Variants in ST3GAL3 observed in about 807,000 individuals in gnomAD.
ST3GAL3 encodes the protein CMP-N-acetylneuraminate-beta-1,4-galactoside alpha-2,3-sialyltransferase.
In ST3GAL3, 21 loss-of-function variants were observed where a neutral mutation model predicts 50.1. That is an observed-to-expected ratio of 0.42 (90% CI 0.30 to 0.60). ST3GAL3 has a LOEUF of 0.60. Ranked by LOEUF, ST3GAL3 falls within the 20% of genes least tolerant of loss-of-function variation. The probability of loss-of-function intolerance (pLI) is 0.19; values close to 1 mark genes in which losing one functional copy is unlikely to be tolerated. For missense variants in ST3GAL3, 353 were observed against 489.4 expected (o/e 0.72, Z 2.63); for synonymous variants, 183 against 190.0 (o/e 0.96, Z 0.30).
intron 3 of ST3GAL3, among the ~76,000 whole-genome samples, chr1:43,809,367 T>C (rs1232792481): frequency 1.3e-5 from 2 of 151,888 alleles, no homozygotes; most frequent in African/African-American, 2.4e-5. Context: ...AAGAAAAAAA[T>C]AGTGAACTAG....
chr1:43,862,928 G>A (rs2070371264), intron 5 of ST3GAL3, among the ~76,000 whole-genome samples: 1 of 151,902 alleles, frequency 6.6e-6, no homozygotes, highest in African/African-American at 2.4e-5. Context: ...AAAAACAGTG[G>A]ACAGAGTCTA....
chr1:43,819,086 A>C (rs1043044174), intron 4 of ST3GAL3: 1 of 152,160 alleles, frequency 6.6e-6, no homozygotes, highest in African/African-American at 2.4e-5. Flanking sequence ...GGACCCTGAA[A>C]TTTTAATTTT....
chr1:43,816,346 T>G (rs147242832), intron 4 of ST3GAL3, among the ~76,000 whole-genome samples: 51 of 152,256 alleles, frequency 3.3e-4, no homozygotes, highest in African/African-American at 1.2e-3. Flanking sequence ...CTCCCAACTT[T>G]TACACATTAT....
chr1:43,817,416 C>T lies in ST3GAL3; in HGVS notation c.209+2483C>T, dbSNP rs67191848. Among the ~76,000 whole-genome samples, 41 of 146,648 alleles carry T rather than the reference C, an allele frequency of 2.8e-4. 2 individuals are homozygous for T. The South Asian group carries it at 6.5e-3, about 23-fold the overall frequency. ...TCCTCCTTTTTCTCCTTCTTCTCCTCCTTCTCCTTCTTCTCCTTCTTCCTT... is the reference window on the plus strand; with the variant it reads ...TCCTCCTTTTTCTCCTTCTTCTCCTTCTTCTCCTTCTTCTCCTTCTTCCTT... On this transcript the variant is annotated intron_variant, in intron 4 of 11. Transcript: ENST00000347631.
At chr1:43,808,499 T>G (rs1367594155) in intron 3 of ST3GAL3, among the ~76,000 whole-genome samples, 1 of 152,126 alleles carries the variant, frequency 6.6e-6, no homozygotes, top group Non-Finnish European at 1.5e-5. Flanking sequence ...TGGAAATATT[T>G]TCAGACATTG....
In ST3GAL3 at chr1:43,913,944, G is replaced by A. The variant is rs955631442; in HGVS notation, c.745-6460G>A. On this transcript the variant is annotated intron_variant, in intron 9 of 11. Coordinates refer to ENST00000347631, the MANE Select transcript of ST3GAL3 (RefSeq NM_006279.5). ...CCCAGCTCACCCACCGCCATGCAGA[G>A]GCAGCAACTCAGGAAGGGCTGCCTT... 8 of 152,436 alleles carry A rather than the reference G, an allele frequency of 5.2e-5. No homozygotes were observed. The Middle Eastern group carries it at 0.01, about 194-fold the overall frequency. The allele number at this position is 152,436 out of a possible 1,614,324, so 9.4% of individuals were successfully genotyped here.
chr1:43,899,224 C>T lies in ST3GAL3; in HGVS notation c.518C>T (p.Ser173Phe). 1 of 1,614,220 alleles carries T rather than the reference C, an allele frequency of 6.2e-7. No individual in the cohort carries two copies. Among genetic ancestry groups the T allele is most frequent in the Non-Finnish European group, 8.5e-7 (1 of 1,180,042 alleles). Residue 173 changes from serine to phenylalanine, a missense_variant, in exon 8 of 12, where the codon TCT becomes TTT. Physicochemically the swap from Ser to Phe is radical, Grantham distance 155. Transcript: ENST00000347631. This position sits in a 1 kb window ranked among gnomAD's most constrained non-coding sequence, Gnocchi z 5.4. ...VGNGGVLANKSLGSRIDDYDI... is the reference protein window; with the variant it reads ...VGNGGVLANKFLGSRIDDYDI... Reference sequence around the variant, plus strand: ...AATGGAGGCGTTCTTGCCAACAAGTCTCTGGGGTCACGAATTGACGACTAT... The same window carrying T: ...AATGGAGGCGTTCTTGCCAACAAGTTTCTGGGGTCACGAATTGACGACTAT...
intron 2 of ST3GAL3, among the ~76,000 whole-genome samples, chr1:43,750,059 G>A (rs1434122302): frequency 6.6e-6 from 1 of 151,974 alleles, no homozygotes; most frequent in Non-Finnish European, 1.5e-5. Context: ...CAGGTATTTT[G>A]TTATAGCACA....
chr1:43,770,701 T>C (rs1694824318), intron 2 of ST3GAL3, among the ~76,000 whole-genome samples: 1 of 152,182 alleles, frequency 6.6e-6, no homozygotes, highest in Non-Finnish European at 1.5e-5. Context: ...TGGATAGTTG[T>C]TGATTGACTG....
At chr1:43,850,721 C>A in intron 5 of ST3GAL3, 1 of 743,984 alleles carries the variant, frequency 1.3e-6, no homozygotes, top group East Asian at 2.5e-5. Flanking sequence ...AGCCCAGCTC[C>A]GTCAGTGCCT....
At chr1:43,732,830 G>C (rs990177082) in intron 1 of ST3GAL3, among the ~76,000 whole-genome samples, 1 of 151,942 alleles carries the variant, frequency 6.6e-6, no homozygotes, top group Non-Finnish European at 1.5e-5. Context: ...AGAAAGACTG[G>C]GCTAAGGTAT....
At chr1:43,860,530 A>G (rs2069644699) in intron 5 of ST3GAL3, among the ~76,000 whole-genome samples, 1 of 152,262 alleles carries the variant, frequency 6.6e-6, no homozygotes, top group African/African-American at 2.4e-5. Flanking sequence ...AGCTGCATGT[A>G]GAGTGAGGTT....
At position 43,920,312 on chromosome 1, in the gene ST3GAL3, G is replaced by A. The variant is rs867762361; in HGVS notation, c.745-92G>A. On this transcript the variant is annotated intron_variant, in intron 9 of 11. Transcript: ENST00000347631. ...TCCCCATTAAACGCCTCATGCTCCCGCCTCACTGTCCCTACTTGGGGTCCC... is the reference window on the plus strand; with the variant it reads ...TCCCCATTAAACGCCTCATGCTCCCACCTCACTGTCCCTACTTGGGGTCCC... 2.3e-5 allele frequency: 36 copies of A among 1,544,420 alleles called. No individual in the cohort carries two copies. In the Middle Eastern group the frequency reaches 1.8e-3, roughly 79 times the overall value.
intron 2 of ST3GAL3, among the ~76,000 whole-genome samples, chr1:43,788,865 A>G (rs1447937913): frequency 1.3e-5 from 2 of 152,086 alleles, no homozygotes; most frequent in African/African-American, 2.4e-5. Context: ...CTAAAGAAGT[A>G]AGTGAGCAGA....
chr1:43,851,422 G>C, intron 5 of ST3GAL3: 2 of 1,611,388 alleles, frequency 1.2e-6, no homozygotes, highest in Non-Finnish European at 1.7e-6. Context: ...TGTGGGTCCA[G>C]CTTATAGGCC....
intron 5 of ST3GAL3, among the ~76,000 whole-genome samples, chr1:43,872,723 G>C (rs115011235): frequency 0.02 from 3,070 of 152,286 alleles, 106 homozygotes; most frequent in African/African-American, 0.071. Context: ...TCATATTCTA[G>C]TGGGAAGCAG....
At chr1:43,855,857 A>G (rs2068256371) in intron 5 of ST3GAL3, among the ~76,000 whole-genome samples, 1 of 152,238 alleles carries the variant, frequency 6.6e-6, no homozygotes, top group Admixed American at 6.5e-5. Context: ...CATTAATAAC[A>G]TACACATTTT....
intron 1 of ST3GAL3, among the ~76,000 whole-genome samples, chr1:43,735,655 CT>C (rs1377799200): frequency 2.0e-5 from 3 of 152,196 alleles, no homozygotes; most frequent in Non-Finnish European, 2.9e-5. Context: ...TTGTGCGACT[CT>C]AAGCAAGGAT....
chr1:43,922,978 G>A (rs557373524), intron 11 of ST3GAL3, among the ~76,000 whole-genome samples: 1 of 151,536 alleles, frequency 6.6e-6, no homozygotes, highest in East Asian at 2.0e-4. Context: ...GCAGGTGCCT[G>A]TAGTCCCAGC....
Sources: gnomAD v4.1 joint callset for allele counts (sites outside exome capture counted in the v4.1 genomes callset) on GRCh38, gnomAD v4.1.1 for gene constraint, Gnocchi (gnomAD v3.1) non-coding constraint, MANE v1.5 for transcripts, NCBI Gene and HGNC (gene_info 2026-07-23, HGNC 2026-07-21) for gene names.